PPP2R2A: variants seen among roughly 807,000 people sequenced by gnomAD.
PPP2R2A encodes the protein serine/threonine-protein phosphatase 2A 55 kDa regulatory subunit B alpha isoform.
A neutral mutation model predicts 53.2 loss-of-function variants in PPP2R2A; 9 were observed. That is an observed-to-expected ratio of 0.17 (90% CI 0.10 to 0.30). PPP2R2A has a LOEUF of 0.30. Ranked by LOEUF, PPP2R2A falls within the 10% of genes least tolerant of loss-of-function variation. The pLI, the probability that PPP2R2A is intolerant of heterozygous loss-of-function variation, is 1.00. For synonymous variants in PPP2R2A, 169 were observed against 174.2 expected (o/e 0.97, Z 0.23); for missense variants, 235 against 534.6 (o/e 0.44, Z 5.53).
At chr8:26,368,379 C>G (rs1443580122) in intron 9 of PPP2R2A, among the ~76,000 whole-genome samples, 2 of 152,134 alleles carry the variant, frequency 1.3e-5, no homozygotes, top group East Asian at 3.9e-4. Context: ...TGGTAAGCAG[C>G]GGTAGCAGAC....
chr8:26,350,145 C>T (rs1473235900), intron 3 of PPP2R2A, among the ~76,000 whole-genome samples: 1 of 152,132 alleles, frequency 6.6e-6, no homozygotes, highest in Non-Finnish European at 1.5e-5. Flanking sequence ...TCGCTCACTG[C>T]AACCTCCTCC....
Position 26,293,470 on chromosome 8 carries a change from G to T in PPP2R2A, c.8-196G>T, listed in dbSNP as rs1020015165. Reference sequence around the variant, plus strand: ...TGTGCCTTTAAATATTTCGTACCTGGAATCTTTTTTTTCTTTCTAATGCAG... The same window carrying T: ...TGTGCCTTTAAATATTTCGTACCTGTAATCTTTTTTTTCTTTCTAATGCAG... On this transcript the variant is annotated intron_variant, in intron 1 of 9. Coordinates refer to ENST00000380737, the MANE Select transcript of PPP2R2A (RefSeq NM_002717.4). 13 of 697,462 alleles carry T rather than the reference G, an allele frequency of 1.9e-5. No individual in the cohort carries two copies. The African/African-American group carries it at 2.4e-4, about 13-fold the overall frequency. The allele number at this position is 697,462 out of a possible 1,614,324, so 43.2% of individuals were successfully genotyped here.
At position 26,370,105 on chromosome 8, in the gene PPP2R2A, TTGAC is replaced by T. The variant is rs748115278; in HGVS notation, c.1065-25_1065-22del. 17 of 1,587,572 alleles carry T rather than the reference TTGAC, an allele frequency of 1.1e-5. No homozygotes were observed. Among genetic ancestry groups the T allele is most frequent in the South Asian group, 3.4e-5 (3 of 88,494 alleles). On this transcript the variant is annotated intron_variant, in intron 9 of 9. Coordinates refer to ENST00000380737, the MANE Select transcript of PPP2R2A (RefSeq NM_002717.4). The surrounding 1 kb of genome is among the most constrained non-coding windows in gnomAD (Gnocchi z 6.1). ...GAAAACAATTTCTTGTTCTGCTTGT[TTGAC>T]TGAGTGTACTGTCTATTTTCACAGT...
Position 26,354,664 on chromosome 8 carries a change from C to T in PPP2R2A, c.346+31C>T. The T allele has an allele frequency of 6.5e-7, 1 of 1,532,072 alleles. No individual in the cohort carries two copies. The highest frequency in any genetic ancestry group is 8.8e-7 in the Non-Finnish European group (1 of 1,132,398). 94.9% of individuals were successfully genotyped at this position (1,532,072 alleles called of 1,614,324 possible). A position where few individuals can be genotyped will look rare whatever the true frequency, so the allele number is the denominator to read the frequency against. On this transcript the variant is annotated intron_variant, in intron 4 of 9. Transcript: ENST00000380737. This position sits in a 1 kb window ranked among gnomAD's most constrained non-coding sequence, Gnocchi z 4.6. ...TATACATATTTTCTTTCCATGTGCC[C>T]ACTGTGTGTACCTGTTGCACATATC...
At position 26,354,013 on chromosome 8, in the gene PPP2R2A, A is replaced by G. The variant is rs1023611638; in HGVS notation, c.181-455A>G. Among the ~76,000 whole-genome samples, 8 of 152,182 alleles carry G rather than the reference A, an allele frequency of 5.3e-5. No individual in the cohort carries two copies. Among genetic ancestry groups the G allele is most frequent in the East Asian group, 1.9e-4 (1 of 5,196 alleles). ...GCGGGCAGCAGAAAGGAAAAGGACA[A>G]TACATCATATTAAATAACAGATCGG... On this transcript the variant is annotated intron_variant, in intron 3 of 9. Coordinates refer to ENST00000380737, the MANE Select transcript of PPP2R2A (RefSeq NM_002717.4). The surrounding 1 kb of genome is among the most constrained non-coding windows in gnomAD (Gnocchi z 4.6).
chr8:26,295,433 G>A (rs1801501050), intron 2 of PPP2R2A, among the ~76,000 whole-genome samples: 1 of 152,170 alleles, frequency 6.6e-6, no homozygotes, highest in South Asian at 2.1e-4. Flanking sequence ...TAGGTTCTGT[G>A]ACTTTAAGCA....
In PPP2R2A at chr8:26,291,839, T is replaced by A; in HGVS notation, c.7+13T>A. The A allele has an allele frequency of 3.7e-6, 6 of 1,607,224 alleles. No individual in the cohort carries two copies. The highest frequency in any genetic ancestry group is 5.1e-6 in the Non-Finnish European group (6 of 1,177,462). On this transcript the variant is annotated intron_variant, in intron 1 of 9. Coordinates refer to ENST00000380737, the MANE Select transcript of PPP2R2A (RefSeq NM_002717.4). ...CGCAACATGGCAGGTAAAGGAGAAA[T>A]CCCCCTCGCCCCCTGACAAGGCACC...
intron 3 of PPP2R2A, among the ~76,000 whole-genome samples, chr8:26,344,390 T>TA (rs926727443): frequency 7.9e-5 from 12 of 152,034 alleles, no homozygotes; most frequent in African/African-American, 2.7e-4. Flanking sequence ...GATATTAAAA[T>TA]AAAAAAAACT....
intron 3 of PPP2R2A, among the ~76,000 whole-genome samples, chr8:26,345,530 C>T (rs774877077): frequency 1.8e-4 from 27 of 152,064 alleles, no homozygotes; most frequent in Non-Finnish European, 3.7e-4. Context: ...TTTTTTCTCA[C>T]ATACTGTATA....
At chr8:26,311,112 G>T (rs1366392614) in intron 2 of PPP2R2A, among the ~76,000 whole-genome samples, 2 of 152,124 alleles carry the variant, frequency 1.3e-5, no homozygotes, top group Non-Finnish European at 2.9e-5. Flanking sequence ...GAGAATTGCT[G>T]TGTTTTAGTT....
chr8:26,291,873 A>T lies in PPP2R2A; in HGVS notation c.7+47A>T, dbSNP rs201258778. 3,678 of 1,592,882 alleles carry T rather than the reference A, an allele frequency of 2.3e-3. 11 individuals carry two copies. The highest frequency in any genetic ancestry group is 2.8e-3 in the Non-Finnish European group (3,225 of 1,168,552). On this transcript the variant is annotated intron_variant, in intron 1 of 9. Transcript: ENST00000380737. ...CCCCCTGACAAGGCACCGCTTCCTTATTCCTCCCTCCATCACCCCCTAGCG... is the reference window on the plus strand; with the variant it reads ...CCCCCTGACAAGGCACCGCTTCCTTTTTCCTCCCTCCATCACCCCCTAGCG...
chr8:26,293,129 C>T lies in PPP2R2A; in HGVS notation c.8-537C>T, dbSNP rs1054803623. On this transcript the variant is annotated intron_variant, in intron 1 of 9. Coordinates refer to ENST00000380737, the MANE Select transcript of PPP2R2A (RefSeq NM_002717.4). ...AGCATTCATTTCGGTTTCTTTTCCTCTCTGTCTGGAGCCAGTGATTTGCTG... is the reference window on the plus strand; with the variant it reads ...AGCATTCATTTCGGTTTCTTTTCCTTTCTGTCTGGAGCCAGTGATTTGCTG... The T allele has an allele frequency of 6.2e-5, 67 of 1,082,578 alleles. No individual in the cohort carries two copies. The East Asian group carries it at 1.8e-3, about 29-fold the overall frequency. The allele number at this position is 1,082,578 out of a possible 1,614,324, so 67.1% of individuals were successfully genotyped here.
At chr8:26,330,033 C>T (rs553946214) in intron 2 of PPP2R2A, among the ~76,000 whole-genome samples, 1 of 152,288 alleles carries the variant, frequency 6.6e-6, no homozygotes, top group Non-Finnish European at 1.5e-5. Flanking sequence ...TAGTCCCGCC[C>T]TGCCCCTTCC....
chr8:26,348,241 A>T (rs1184249614), intron 3 of PPP2R2A, among the ~76,000 whole-genome samples: 1 of 152,172 alleles, frequency 6.6e-6, no homozygotes, highest in African/African-American at 2.4e-5. Flanking sequence ...TTAAATTTTT[A>T]AATTTTTTCC....
Position 26,362,676 on chromosome 8 carries a change from T to C in PPP2R2A, c.638-8T>C. The C allele has an allele frequency of 6.2e-7, 1 of 1,610,474 alleles. No individual in the cohort carries two copies. The highest frequency in any genetic ancestry group is 8.5e-7 in the Non-Finnish European group (1 of 1,178,314). Reference sequence around the variant, plus strand: ...TAAGTGGAAATTCCTTAATAAAATGTTATCTAGACATTGTGGATATCAAGC... The same window carrying C: ...TAAGTGGAAATTCCTTAATAAAATGCTATCTAGACATTGTGGATATCAAGC... On this transcript the variant is annotated splice_region_variant and splice_polypyrimidine_tract_variant and intron_variant, in intron 6 of 9. Transcript: ENST00000380737. This position sits in a 1 kb window ranked among gnomAD's most constrained non-coding sequence, Gnocchi z 4.4.
chr8:26,338,839 A>AG lies in PPP2R2A; in HGVS notation c.83-50dup, dbSNP rs778220925. The AG allele has an allele frequency of 4.6e-6, 6 of 1,292,674 alleles. No individual in the cohort carries two copies. The highest frequency in any genetic ancestry group is 6.6e-6 in the Non-Finnish European group (6 of 908,806). 80.1% of individuals were successfully genotyped at this position (1,292,674 alleles called of 1,614,324 possible). ...AACACGCTAAGTTCTGAAACTAGTG[A>AG]GTCGGGAAAGAAAAACTAATATCTT... On this transcript the variant is annotated intron_variant, in intron 2 of 9. Transcript: ENST00000380737. The surrounding 1 kb of genome is among the most constrained non-coding windows in gnomAD (Gnocchi z 4.5).
At chr8:26,351,070 T>G (rs1483057952) in intron 3 of PPP2R2A, among the ~76,000 whole-genome samples, 3 of 152,220 alleles carry the variant, frequency 2.0e-5, no homozygotes, top group Non-Finnish European at 4.4e-5. Context: ...CTTTTCATTT[T>G]TTTGAATAGT....
chr8:26,355,871 A>G (rs1409093328), intron 4 of PPP2R2A, among the ~76,000 whole-genome samples: 1 of 148,422 alleles, frequency 6.7e-6, no homozygotes, highest in East Asian at 2.0e-4. Context: ...CTCGTCTCAA[A>G]AAAAAAAAAA....
rs1406864437 is a variant in PPP2R2A at position 26,338,638 on chromosome 8, TAATA to T, written c.83-248_83-245del. Among the ~76,000 whole-genome samples, 6 of 152,240 alleles carry T rather than the reference TAATA, an allele frequency of 3.9e-5. No homozygotes were observed. The highest frequency in any genetic ancestry group is 8.8e-5 in the Non-Finnish European group (6 of 68,036). ...TGCATTCACAAATTTAGTGAAATGT[TAATA>T]AATTAGTATTTGTTGTATTCTCTGT... On this transcript the variant is annotated intron_variant, in intron 2 of 9. Coordinates refer to ENST00000380737, the MANE Select transcript of PPP2R2A (RefSeq NM_002717.4). The surrounding 1 kb of genome is among the most constrained non-coding windows in gnomAD (Gnocchi z 4.5).
Sources: gnomAD v4.1 joint callset for allele counts (sites outside exome capture counted in the v4.1 genomes callset) on GRCh38, gnomAD v4.1.1 for gene constraint, Gnocchi (gnomAD v3.1) non-coding constraint, MANE v1.5 for transcripts, NCBI Gene and HGNC (gene_info 2026-07-23, HGNC 2026-07-21) for gene names.